The following SLC7A2 variants were observed in gnomAD, a reference collection of about 807,000 sequenced individuals.
SLC7A2 encodes the protein solute carrier family 7 member 2, also known as cationic amino acid transporter 2.
In SLC7A2, 48 loss-of-function variants were observed where a neutral mutation model predicts 58.9. The observed-to-expected ratio is 0.82, with a 90% CI of 0.65 to 1.04. SLC7A2 has a LOEUF of 1.04. Ranked by LOEUF, SLC7A2 falls within the 50% of genes least tolerant of loss-of-function variation. SLC7A2 has a pLI of 0.00. For synonymous variants in SLC7A2, 363 were observed against 314.5 expected (o/e 1.15, Z -1.63); for missense variants, 1,029 against 818.8 (o/e 1.26, Z -3.13).
At chr8:17,543,072 G>C (rs1801983149) in intron 2 of SLC7A2, among the ~76,000 whole-genome samples, 1 of 152,122 alleles carries the variant, frequency 6.6e-6, no homozygotes, top group South Asian at 2.1e-4. Flanking sequence ...ATTTATTGCA[G>C]TCTCTTATAA....
rs1350189682 is a variant in SLC7A2 at position 17,568,366 on chromosome 8, T to C, written c.*3220T>C. 6.6e-6 allele frequency: 1 copy of C among 152,138 alleles called. No homozygotes were observed. The highest frequency in any genetic ancestry group is 1.5e-5 in the Non-Finnish European group (1 of 68,018). The allele number at this position is 152,138 out of a possible 1,614,324, so 9.4% of individuals were successfully genotyped here. On this transcript the variant is annotated 3_prime_UTR_variant, in exon 13 of 13. Coordinates refer to ENST00000494857, the MANE Select transcript of SLC7A2 (RefSeq NM_001370338.1). ...AAAACTTATATTAGAACTTTTGATA[T>C]ATACTAAAATACTGATTATCTTAAT...
chr8:17,559,370 T>G (rs991097545), intron 9 of SLC7A2, among the ~76,000 whole-genome samples: 1 of 152,074 alleles, frequency 6.6e-6, no homozygotes, highest in African/African-American at 2.4e-5. Context: ...ATGTCCTTCT[T>G]CACATGCTGC....
chr8:17,497,026 C>T (rs978878156), upstream of SLC7A2: 4 of 145,932 alleles, frequency 2.7e-5, no homozygotes, highest in African/African-American at 7.3e-5. Flanking sequence ...GCGGTGCCGC[C>T]CGGCCCCGCG....
At chr8:17,558,610 G>C (rs1388861448) in intron 9 of SLC7A2, among the ~76,000 whole-genome samples, 3 of 152,174 alleles carry the variant, frequency 2.0e-5, no homozygotes, top group Non-Finnish European at 4.4e-5. Flanking sequence ...AGGTTGGCCT[G>C]ATCTACATGA....
intron 9 of SLC7A2, among the ~76,000 whole-genome samples, chr8:17,559,034 T>C (rs1333807628): frequency 6.6e-6 from 1 of 152,350 alleles, no homozygotes; most frequent in Non-Finnish European, 1.5e-5. Context: ...TGATTAACAC[T>C]GGCTGATGGT....
chr8:17,558,440 G>A (rs1415249450), intron 9 of SLC7A2, 43 bp downstream of exon 9: 3 of 1,276,748 alleles, frequency 2.3e-6, no homozygotes, highest in African/African-American at 1.5e-5. Context: ...ATGCACGAGG[G>A]ACTCTGGGAG....
intron 6 of SLC7A2, 53 bp downstream of exon 6, chr8:17,550,487 A>AG: frequency 6.4e-7 from 1 of 1,560,066 alleles, no homozygotes; most frequent in Non-Finnish European, 8.7e-7. Flanking sequence ...GTTGTGCACG[A>AG]GTACCCGTGT....
intron 2 of SLC7A2, among the ~76,000 whole-genome samples, chr8:17,518,302 A>G (rs1216479409): frequency 4.0e-5 from 6 of 151,794 alleles, no homozygotes; most frequent in East Asian, 3.9e-4. Flanking sequence ...TCAGTGTGCT[A>G]TATTAAGCTA....
At chr8:17,494,643 T>C (rs1286087357), upstream of SLC7A2, among the ~76,000 whole-genome samples, 1 of 152,240 alleles carries the variant, frequency 6.6e-6, no homozygotes, top group Non-Finnish European at 1.5e-5. Flanking sequence ...TTCTCTTGTC[T>C]CATAGTCTGT....
At chr8:17,561,476 T>A (rs1323967794) in intron 10 of SLC7A2, among the ~76,000 whole-genome samples, 1 of 152,136 alleles carries the variant, frequency 6.6e-6, no homozygotes, top group Non-Finnish European at 1.5e-5. Flanking sequence ...ACTGGGTTCC[T>A]CCCATAACAC....
chr8:17,524,420 G>A (rs113139016), intron 2 of SLC7A2, among the ~76,000 whole-genome samples: 9,142 of 125,196 alleles, frequency 0.073, 581 homozygotes, highest in African/African-American at 0.2. Context: ...GTGTGTGTGT[G>A]TACACACACA....
At chr8:17,548,554 G>A in intron 4 of SLC7A2, 124 bp from the exon 5 acceptor site, 2 of 690,932 alleles carry the variant, frequency 2.9e-6, no homozygotes, top group Non-Finnish European at 5.0e-6. Flanking sequence ...AGCAGTAGAG[G>A]TAGATAGATG....
intron 1 of SLC7A2, among the ~76,000 whole-genome samples, chr8:17,501,114 A>G (rs780427617): frequency 7.9e-5 from 12 of 152,046 alleles, no homozygotes; most frequent in East Asian, 1.9e-4. Context: ...CGTGGGTTCA[A>G]GCAGTTCTCA....
rs1563492961 is a variant in SLC7A2 at position 17,568,081 on chromosome 8, C to G, written c.*2935C>G. 1 of 151,904 alleles carries G rather than the reference C, an allele frequency of 6.6e-6. No individual in the cohort carries two copies. Among genetic ancestry groups the G allele is most frequent in the African/African-American group, 2.4e-5 (1 of 41,336 alleles). The allele number at this position is 151,904 out of a possible 1,614,324, so 9.4% of individuals were successfully genotyped here. A position where few individuals can be genotyped will look rare whatever the true frequency, so the allele number is the denominator to read the frequency against. On this transcript the variant is annotated 3_prime_UTR_variant, in exon 13 of 13. Coordinates refer to ENST00000494857, the MANE Select transcript of SLC7A2 (RefSeq NM_001370338.1). ...TGTAGAGTTTTGACTAGTAATCAATCAAAATTATATAAAGTCTTCTCCAGT... is the reference window on the plus strand; with the variant it reads ...TGTAGAGTTTTGACTAGTAATCAATGAAAATTATATAAAGTCTTCTCCAGT...
Position 17,544,431 on chromosome 8 carries a change from C to G in SLC7A2, c.377-20C>G. On this transcript the variant is annotated intron_variant, in intron 3 of 12. Transcript: ENST00000494857. ...AATTTGCCCCCAGTGACTTCGTATT[C>G]TCTGTTCTGTTTTGGGAAGGTACAT... The G allele has an allele frequency of 8.1e-6, 13 of 1,608,884 alleles. No individual in the cohort carries two copies. The highest frequency in any genetic ancestry group is 1.0e-5 in the Non-Finnish European group (12 of 1,177,024).
intron 8 of SLC7A2, chr8:17,555,181 TAAAAA>T (rs1161021698): frequency 9.3e-7 from 1 of 1,072,866 alleles, no homozygotes; most frequent in African/African-American, 1.6e-5. Context: ...GCATGTAAGT[TAAAAA>T]AAACAAAATC....
At chr8:17,510,661 C>A (rs1172635879) in intron 2 of SLC7A2, 2 of 152,114 alleles carry the variant, frequency 1.3e-5, no homozygotes, top group Non-Finnish European at 2.9e-5. Context: ...ATATCTTTTG[C>A]CCGCTTTTTG....
At chr8:17,522,093 C>T (rs1322781809) in intron 2 of SLC7A2, among the ~76,000 whole-genome samples, 1 of 152,050 alleles carries the variant, frequency 6.6e-6, no homozygotes, top group Non-Finnish European at 1.5e-5. Flanking sequence ...AAAGACGTAC[C>T]CAAGATTGGA....
rs963817663 is a variant in SLC7A2, at chr8:17,569,396, T to C, written c.*4250T>C. The stretch of plus-strand genomic sequence containing the variant: ...TGCCTTCTCTGCACACTTTACTTGT[T>C]TATAAAGTTCTCCCACATGTCCTTA... On this transcript the variant is annotated 3_prime_UTR_variant, in exon 13 of 13. Coordinates refer to ENST00000494857, the MANE Select transcript of SLC7A2 (RefSeq NM_001370338.1). 1.3e-5 allele frequency: 2 copies of C among 152,200 alleles called. No homozygotes were observed. Among genetic ancestry groups the C allele is most frequent in the African/African-American group, 4.8e-5 (2 of 41,454 alleles). The allele number at this position is 152,200 out of a possible 1,614,324, so 9.4% of individuals were successfully genotyped here. A position where few individuals can be genotyped will look rare whatever the true frequency, so the allele number is the denominator to read the frequency against.
Sources: allele counts gnomAD v4.1 joint callset (sites outside exome capture counted in the v4.1 genomes callset), GRCh38; gene constraint gnomAD v4.1.1; transcripts MANE v1.5; gene names NCBI Gene and HGNC (gene_info 2026-07-23, HGNC 2026-07-21).